Variants in DHRSX observed in about 807,000 individuals in gnomAD.
DHRSX encodes the protein dehydrogenase/reductase X-linked, also known as polyprenol dehydrogenase.
In DHRSX, 31 loss-of-function variants were observed where a neutral mutation model predicts 34.0. The observed-to-expected ratio is 0.91, with a 90% CI of 0.69 to 1.23. The LOEUF (loss-of-function observed/expected upper bound fraction) is 1.23. Ranked by LOEUF, DHRSX falls within the 50% of genes most tolerant of loss-of-function variation. The pLI, the probability that DHRSX is intolerant of heterozygous loss-of-function variation, is 0.00. For missense variants in DHRSX, 414 were observed against 428.1 expected (o/e 0.97, Z 0.29); for synonymous variants, 201 against 183.8 (o/e 1.09, Z -0.76).
At chrX:2,359,435 T>TG (rs1398946648) in intron 3 of DHRSX, among the ~76,000 whole-genome samples, 1 of 152,130 alleles carries the variant, frequency 6.6e-6, no homozygotes, top group Non-Finnish European at 1.5e-5. Flanking sequence ...TCCAGCACTT[T>TG]GGGAGGCCAA....
intron 3 of DHRSX, among the ~76,000 whole-genome samples, chrX:2,352,799 T>A (rs1415769585): frequency 6.6e-6 from 1 of 152,114 alleles, no homozygotes; most frequent in Non-Finnish European, 1.5e-5. Context: ...CCACAGTAGA[T>A]GAAGGGCTAT....
intron 3 of DHRSX, among the ~76,000 whole-genome samples, chrX:2,387,409 T>C (rs529268472): frequency 9.1e-4 from 139 of 152,180 alleles, no homozygotes; most frequent in South Asian, 4.8e-3. Flanking sequence ...GGTCCCACAA[T>C]AGACTGTCTG....
In DHRSX at chrX:2,291,523, G is replaced by C; in HGVS notation, c.367C>G (p.Leu123Val). ...TCACCATTGTTGATCAGGACATGGA[G>C]AGGAATCTTCTTCATCTTGAACTTC... Reference protein sequence around the residue: ...VQKFKMKKIPLHVLINNAGVM... With the variant: ...VQKFKMKKIPVHVLINNAGVM... The change falls in exon 4 of 7, where the codon CTC becomes GTC. Residue 123 changes from leucine to valine, a missense_variant. Coordinates refer to ENST00000334651, the MANE Select transcript of DHRSX (RefSeq NM_145177.3). 1 of 1,613,858 alleles carries C rather than the reference G, an allele frequency of 6.2e-7. No homozygotes were observed. The highest frequency in any genetic ancestry group is 8.5e-7 in the Non-Finnish European group (1 of 1,179,766).
chrX:2,437,590 C>A (rs2044007372), intron 1 of DHRSX, among the ~76,000 whole-genome samples: 1 of 140,958 alleles, frequency 7.1e-6, no homozygotes, highest in Non-Finnish European at 1.5e-5. Flanking sequence ...GGTGACAGAG[C>A]AAGACCCTGT....
At chrX:2,385,242 C>T (rs1388810364) in intron 3 of DHRSX, among the ~76,000 whole-genome samples, 2 of 151,986 alleles carry the variant, frequency 1.3e-5, no homozygotes, top group African/African-American at 2.4e-5. Flanking sequence ...GGGAAAGGAA[C>T]ACAAATGTGA....
At chrX:2,432,964 A>T (rs2043946292) in intron 1 of DHRSX, among the ~76,000 whole-genome samples, 1 of 152,122 alleles carries the variant, frequency 6.6e-6, no homozygotes, top group Admixed American at 6.5e-5. Flanking sequence ...CTCTACAAAA[A>T]ATTTAAAAAA....
chrX:2,326,088 T>C (rs929559377), intron 3 of DHRSX, among the ~76,000 whole-genome samples: 28 of 152,154 alleles, frequency 1.8e-4, no homozygotes, highest in Admixed American at 3.3e-4. Flanking sequence ...CAAGACGAAA[T>C]GCTGCCTGAA....
intron 3 of DHRSX, among the ~76,000 whole-genome samples, chrX:2,405,221 GCTCACAC>G (rs2043537291): frequency 6.6e-6 from 1 of 152,194 alleles, no homozygotes; most frequent in Non-Finnish European, 1.5e-5. Flanking sequence ...GGGCGCGGTG[GCTCACAC>G]CGGTCATCTC....
chrX:2,284,541 T>C (rs2041781782), intron 4 of DHRSX, among the ~76,000 whole-genome samples: 1 of 152,222 alleles, frequency 6.6e-6, no homozygotes, highest in South Asian at 2.1e-4. Context: ...ATTTCTTTGG[T>C]GGTAGGAAAA....
chrX:2,494,295 AG>A (rs986870194), intron 1 of DHRSX, among the ~76,000 whole-genome samples: 1 of 151,990 alleles, frequency 6.6e-6, no homozygotes, highest in Non-Finnish European at 1.5e-5. Flanking sequence ...AGGCTGGAAG[AG>A]GTCTCGACAC....
chrX:2,240,159 G>A (rs2016107568), intron 6 of DHRSX, among the ~76,000 whole-genome samples: 1 of 152,012 alleles, frequency 6.6e-6, no homozygotes, highest in Non-Finnish European at 1.5e-5. Context: ...CAGGCTTGAT[G>A]GCAGGTGCCT....
chrX:2,223,994 T>C (rs1352882110), intron 6 of DHRSX, among the ~76,000 whole-genome samples: 2 of 152,216 alleles, frequency 1.3e-5, no homozygotes, highest in African/African-American at 2.4e-5. Flanking sequence ...GGAGAGACCA[T>C]GGTTCCTGCT....
At chrX:2,424,711 A>G (rs1295619526) in intron 2 of DHRSX, among the ~76,000 whole-genome samples, 1 of 152,172 alleles carries the variant, frequency 6.6e-6, no homozygotes, top group Admixed American at 6.5e-5. Flanking sequence ...AAAGGGTACA[A>G]CAATTTTCTG....
At chrX:2,269,277 AAT>A (rs1172500577) in intron 4 of DHRSX, among the ~76,000 whole-genome samples, 7 of 152,232 alleles carry the variant, frequency 4.6e-5, no homozygotes, top group Non-Finnish European at 7.3e-5. Context: ...TCTACACACA[AAT>A]ATATAGAGGT....
intron 1 of DHRSX, among the ~76,000 whole-genome samples, chrX:2,430,361 G>C (rs2043903218): frequency 1.3e-5 from 2 of 151,958 alleles, no homozygotes; most frequent in South Asian, 4.2e-4. Context: ...CAGGAAGCTG[G>C]CATTGGGGCT....
intron 3 of DHRSX, among the ~76,000 whole-genome samples, chrX:2,401,693 TG>T (rs1424910543): frequency 1.3e-5 from 2 of 152,268 alleles, no homozygotes; most frequent in East Asian, 3.9e-4. Flanking sequence ...ATGGAGCCGC[TG>T]GGGTTTGATT....
At chrX:2,452,267 A>G (rs1308592791) in intron 1 of DHRSX, among the ~76,000 whole-genome samples, 1 of 151,984 alleles carries the variant, frequency 6.6e-6, no homozygotes, top group Admixed American at 6.6e-5. Context: ...TTCCCTAAGC[A>G]GGTGGCTAAG....
At chrX:2,422,808 T>G (rs1462413418) in intron 2 of DHRSX, among the ~76,000 whole-genome samples, 1 of 149,144 alleles carries the variant, frequency 6.7e-6, no homozygotes, top group Non-Finnish European at 1.5e-5. Context: ...TTTTTGAGAC[T>G]GAGTCTCGCT....
In DHRSX at chrX:2,254,944, A is replaced by AC. The variant is rs1338441110; in HGVS notation, c.597-11715dup. On this transcript the variant is annotated intron_variant, in intron 5 of 6. Transcript: ENST00000334651. ...AGGTGTGAGCCACTGTGCCTGCCCC[A>AC]CGCCCCCCCCCTTTTTTTTCTTTTT... is the stretch of plus-strand genomic sequence containing the variant. Among the ~76,000 whole-genome samples, 154 of 89,312 alleles carry AC rather than the reference A, an allele frequency of 1.7e-3. 3 individuals are homozygous for AC. Among genetic ancestry groups the AC allele is most frequent in the African/African-American group, 7.7e-3 (146 of 18,934 alleles). 58.6% of individuals were successfully genotyped at this position (89,312 alleles called of 152,430 possible).
Sources: gnomAD v4.1 joint callset for allele counts (sites outside exome capture counted in the v4.1 genomes callset) on GRCh38, gnomAD v4.1.1 for gene constraint, MANE v1.5 for transcripts, NCBI Gene and HGNC (gene_info 2026-07-23, HGNC 2026-07-21) for gene names.